The following PTPRT variants were observed in gnomAD, a reference collection of about 807,000 sequenced individuals.
The protein encoded by PTPRT is protein tyrosine phosphatase receptor type T.
In PTPRT, 56 loss-of-function variants were observed where a neutral mutation model predicts 176.8. The ratio of observed to expected loss-of-function variants is 0.32; its 90% CI spans 0.26 to 0.40. PTPRT has a LOEUF of 0.40. Among genes scored for constraint, PTPRT ranks in the 10% least tolerant of loss-of-function variants. The pLI is 1.00. For missense variants in PTPRT, 1,540 were observed against 1,908.2 expected, an observed-to-expected ratio of 0.81 and a Z score of 3.60; for synonymous variants, 783 against 739.0, an observed-to-expected ratio of 1.06 and a Z score of -0.96.
chr20:42,470,823 A>G (rs915749366), intron 8 of PTPRT, among the ~76,000 whole-genome samples: 5 of 151,926 alleles, frequency 3.3e-5, no homozygotes, highest in Non-Finnish European at 7.4e-5. Flanking sequence ...GAGAGGCAGG[A>G]AAAGTTATGT....
intron 2 of PTPRT, among the ~76,000 whole-genome samples, chr20:42,847,652 G>A (rs1169749818): frequency 6.6e-6 from 1 of 152,156 alleles, no homozygotes; most frequent in South Asian, 2.1e-4. Context: ...AGCCATCAAT[G>A]TCTCTCACAG....
intron 13 of PTPRT, among the ~76,000 whole-genome samples, chr20:42,265,676 T>A (rs1171179881): frequency 6.6e-6 from 1 of 152,126 alleles, no homozygotes; most frequent in East Asian, 1.9e-4. Context: ...CTGGTTCCTG[T>A]TCTCACACCA....
intron 6 of PTPRT, among the ~76,000 whole-genome samples, chr20:42,745,564 G>C (rs572878618): frequency 7.2e-5 from 11 of 152,252 alleles, no homozygotes; most frequent in South Asian, 2.1e-4. Flanking sequence ...AAGAATCACT[G>C]GTCCAGGCAG....
At chr20:42,402,347 G>T (rs1341569687) in intron 9 of PTPRT, among the ~76,000 whole-genome samples, 1 of 152,078 alleles carries the variant, frequency 6.6e-6, no homozygotes, top group Non-Finnish European at 1.5e-5. Context: ...TAAAACAGAT[G>T]AGGGCCTATT....
the PTPRT span, among the ~76,000 whole-genome samples, chr20:42,045,269 G>T: frequency 1.3e-5 from 2 of 151,884 alleles, no homozygotes; most frequent in African/African-American, 4.8e-5. Context: ...ACTATTAAAG[G>T]AGGACCAAGA....
intron 6 of PTPRT, among the ~76,000 whole-genome samples, chr20:42,728,725 T>C (rs2076416663): frequency 1.3e-5 from 2 of 152,258 alleles, no homozygotes; most frequent in South Asian, 4.2e-4. Flanking sequence ...CACGGGCCCA[T>C]GCGCTAACAA....
intron 2 of PTPRT, among the ~76,000 whole-genome samples, chr20:42,874,708 CTT>C (rs1446117830): frequency 2.0e-5 from 3 of 152,152 alleles, no homozygotes; most frequent in African/African-American, 7.2e-5. Context: ...GTTTCCTCCT[CTT>C]TAAAATAAGG....
At chr20:42,608,703 C>A (rs1367852600) in intron 7 of PTPRT, among the ~76,000 whole-genome samples, 1 of 152,172 alleles carries the variant, frequency 6.6e-6, no homozygotes, top group African/African-American at 2.4e-5. Context: ...GGCTGAAGGT[C>A]AGCCCAGCTG....
At chr20:43,063,586 C>G (rs542531789) in intron 1 of PTPRT, 12 of 152,396 alleles carry the variant, frequency 7.9e-5, no homozygotes, top group African/African-American at 2.2e-4. Context: ...CTGCTAAATG[C>G]CATGCTGGTG....
At chr20:42,857,444 ATTT>A (rs1269146128) in intron 2 of PTPRT, among the ~76,000 whole-genome samples, 4 of 151,854 alleles carry the variant, frequency 2.6e-5, no homozygotes, top group Non-Finnish European at 1.5e-5. Flanking sequence ...CTCAGCGTAC[ATTT>A]TTTCTCTCTT....
intron 7 of PTPRT, among the ~76,000 whole-genome samples, chr20:42,527,983 T>C (rs1386647640): frequency 2.0e-5 from 3 of 152,222 alleles, no homozygotes; most frequent in African/African-American, 7.2e-5. Context: ...CACTCTCTTG[T>C]TTAAAATCCT....
chr20:42,897,391 G>T (rs6130249), intron 1 of PTPRT, among the ~76,000 whole-genome samples: 4 of 152,118 alleles, frequency 2.6e-5, no homozygotes, highest in Admixed American at 1.3e-4. Flanking sequence ...AAACAACAAA[G>T]GTGGAAGTTA....
chr20:42,630,904 C>G (rs2074390727), intron 7 of PTPRT, among the ~76,000 whole-genome samples: 1 of 152,106 alleles, frequency 6.6e-6, no homozygotes, highest in Non-Finnish European at 1.5e-5. Context: ...CAGATATTCT[C>G]TGAGTGATTG....
Position 42,135,626 on chromosome 20 carries a change from A to G in PTPRT, c.2770+6289T>C, listed in dbSNP as rs147026920. Among the ~76,000 whole-genome samples, 5 of 152,324 alleles carry G rather than the reference A, an allele frequency of 3.3e-5. No individual in the cohort carries two copies. In the East Asian group the frequency reaches 9.7e-4, roughly 29 times the overall value. On this transcript the variant is annotated intron_variant, in intron 18 of 30. Coordinates refer to ENST00000373187, the MANE Select transcript of PTPRT (RefSeq NM_007050.6). ...GAAGATCTTACTGGAAATGGGCCAT[A>G]AGACTAGAGACTCACCTTGTGCCAG...
the PTPRT span, among the ~76,000 whole-genome samples, chr20:42,032,601 C>A: frequency 1.3e-5 from 2 of 152,152 alleles, no homozygotes; most frequent in Non-Finnish European, 2.9e-5. Flanking sequence ...TCCCAGCCTC[C>A]TAGTAGGTAC....
At chr20:42,934,158 T>C (rs1328952381) in intron 1 of PTPRT, among the ~76,000 whole-genome samples, 1 of 152,162 alleles carries the variant, frequency 6.6e-6, no homozygotes, top group Non-Finnish European at 1.5e-5. Flanking sequence ...ATTACGGCGT[T>C]GCTAACAGGG....
At chr20:42,615,205 C>T (rs1302420851) in intron 7 of PTPRT, among the ~76,000 whole-genome samples, 18 of 131,610 alleles carry the variant, frequency 1.4e-4, no homozygotes, top group South Asian at 4.9e-4. Flanking sequence ...TTTGTTCTTG[C>T]GATAGTTTAC....
intron 8 of PTPRT, among the ~76,000 whole-genome samples, chr20:42,453,628 G>T (rs2070870069): frequency 1.3e-5 from 2 of 149,670 alleles, no homozygotes; most frequent in African/African-American, 2.5e-5. Flanking sequence ...AATAAAATAG[G>T]TACTACAGGT....
At chr20:43,005,553 G>A (rs1287895225) in intron 1 of PTPRT, among the ~76,000 whole-genome samples, 1 of 152,136 alleles carries the variant, frequency 6.6e-6, no homozygotes, top group Non-Finnish European at 1.5e-5. Flanking sequence ...CAATCTGGGG[G>A]AAACAGAGGA....
Sources: allele counts gnomAD v4.1 joint callset (sites outside exome capture counted in the v4.1 genomes callset), GRCh38; gene constraint gnomAD v4.1.1; transcripts MANE v1.5; gene names NCBI Gene and HGNC (gene_info 2026-07-23, HGNC 2026-07-21).